The following AP2M1 variants were observed in gnomAD, a reference collection of about 807,000 sequenced individuals.
AP2M1 encodes AP-2 complex subunit mu.
In AP2M1, 5 loss-of-function variants were observed where a neutral mutation model predicts 54.5. The ratio of observed to expected loss-of-function variants is 0.09; its 90% CI spans 0.05 to 0.19. The LOEUF is 0.19. Among genes scored for constraint, AP2M1 ranks in the 10% least tolerant of loss-of-function variants. The pLI, the probability that AP2M1 is intolerant of heterozygous loss-of-function variation, is 1.00. For missense variants in AP2M1, 178 were observed against 580.2 expected (o/e 0.31, Z 7.12); for synonymous variants, 186 against 208.2 (o/e 0.89, Z 0.92).
Position 184,182,705 on chromosome 3 carries a change from C to T in AP2M1, c.1062-52C>T. The T allele has an allele frequency of 6.5e-7, 1 of 1,549,724 alleles. No individual in the cohort carries two copies. The highest frequency in any genetic ancestry group is 1.4e-5 in the African/African-American group (1 of 73,550). On this transcript the variant is annotated intron_variant, in intron 10 of 11. Coordinates refer to ENST00000292807, the MANE Select transcript of AP2M1 (RefSeq NM_004068.4). The surrounding 1 kb of genome is among the most constrained non-coding windows in gnomAD (Gnocchi z 5.5). ...TCCTTGCTTGAAATGGGCAACTGCC[C>T]TTGAAACTCCTCCAAGCCCCAATGG...
rs1390046310 is a variant in AP2M1 at position 184,180,639 on chromosome 3, C to T, written c.424-6C>T. 6 of 1,614,134 alleles carry T rather than the reference C, an allele frequency of 3.7e-6. No homozygotes were observed. Among genetic ancestry groups the T allele is most frequent in the Non-Finnish European group, 3.4e-6 (4 of 1,180,050 alleles). On this transcript the variant is annotated splice_polypyrimidine_tract_variant and splice_region_variant and intron_variant, in intron 4 of 11. Transcript: ENST00000292807. The surrounding 1 kb of genome is among the most constrained non-coding windows in gnomAD (Gnocchi z 4.9). ...GTGGGCACCTCGTTGGCCCTGCGGC[C>T]TCCAGCATCAGGTAAGCTCTTCCCT... is the stretch of plus-strand genomic sequence containing the variant.
In AP2M1 at chr3:184,180,569, G is replaced by A; in HGVS notation, c.424-76G>A. 6.2e-7 allele frequency: 1 copy of A among 1,610,312 alleles called. No homozygotes were observed. Among genetic ancestry groups the A allele is most frequent in the Non-Finnish European group, 8.5e-7 (1 of 1,178,600 alleles). On this transcript the variant is annotated intron_variant, in intron 4 of 11. Transcript: ENST00000292807. The surrounding 1 kb of genome is among the most constrained non-coding windows in gnomAD (Gnocchi z 4.9). ...TTGGGCCCTCTCCTCTAGGATCCAA[G>A]CCTCATAGCTTTCTCCTCCTTTTCT...
chr3:184,180,143 G>A lies in AP2M1; in HGVS notation c.341-26G>A, dbSNP rs372633104. 1 of 1,612,030 alleles carries A rather than the reference G, an allele frequency of 6.2e-7. No individual in the cohort carries two copies. Reference sequence around the variant, plus strand: ...CTGGAATGAAGAAGCTCTGTCCAGGGGCTGATGGTTCCCTTCTTTTTGCAG... The same window carrying A: ...CTGGAATGAAGAAGCTCTGTCCAGGAGCTGATGGTTCCCTTCTTTTTGCAG... On this transcript the variant is annotated intron_variant, in intron 3 of 11. Coordinates refer to ENST00000292807, the MANE Select transcript of AP2M1 (RefSeq NM_004068.4). The surrounding 1 kb of genome is among the most constrained non-coding windows in gnomAD (Gnocchi z 4.9).
chr3:184,176,234 G>A (rs1395073346), intron 1 of AP2M1, among the ~76,000 whole-genome samples: 1 of 152,116 alleles, frequency 6.6e-6, no homozygotes, highest in African/African-American at 2.4e-5. Flanking sequence ...TTGAAAGGGG[G>A]GTGGTAATCA....
chr3:184,176,466 CCTTCT>C (rs1449577019), intron 1 of AP2M1, among the ~76,000 whole-genome samples: 2 of 152,190 alleles, frequency 1.3e-5, no homozygotes, highest in African/African-American at 4.8e-5. Context: ...GGCCCTGCGA[CCTTCT>C]CTGAAGGGTA....
In AP2M1 at chr3:184,181,693, C is replaced by T. The variant is rs542405163; in HGVS notation, c.708-3C>T. The T allele has an allele frequency of 1.2e-6, 2 of 1,613,782 alleles. No homozygotes were observed. Among genetic ancestry groups the T allele is most frequent in the Admixed American group, 1.7e-5 (1 of 60,018 alleles). On this transcript the variant is annotated splice_polypyrimidine_tract_variant and splice_region_variant and intron_variant, in intron 7 of 11. Transcript: ENST00000292807. This position sits in a 1 kb window ranked among gnomAD's most constrained non-coding sequence, Gnocchi z 5.7. ...ATGAGACCTCTTCTGCCCCTGCTTG[C>T]AGCGGGAAGCAATCAATTGCCATTG...
Position 184,176,967 on chromosome 3 carries a change from A to T in AP2M1, c.-27A>T. 1 of 1,612,494 alleles carries T rather than the reference A, an allele frequency of 6.2e-7. No homozygotes were observed. The highest frequency in any genetic ancestry group is 8.5e-7 in the Non-Finnish European group (1 of 1,179,298). On this transcript the variant is annotated 5_prime_UTR_variant, in exon 2 of 12. It removes an upstream start codon present in the reference 5' UTR. Coordinates refer to ENST00000292807, the MANE Select transcript of AP2M1 (RefSeq NM_004068.4). The stretch of plus-strand genomic sequence containing the variant: ...CTGTCCTAGGTCTGTTCTCAGAGCG[A>T]TGGGCCGCGGAGACTGATCTGCCGC...
At position 184,180,919 on chromosome 3, in the gene AP2M1, A is replaced by G. The variant is rs1204561603; in HGVS notation, c.500A>G (p.Lys167Arg). The G allele has an allele frequency of 1.2e-6, 2 of 1,614,212 alleles. No individual in the cohort carries two copies. Among genetic ancestry groups the G allele is most frequent in the Non-Finnish European group, 1.7e-6 (2 of 1,180,046 alleles). Residue 167 changes from lysine (K) to arginine (R), a missense_variant, in exon 6 of 12, where the codon AAG becomes AGG. Lys to Arg is a conservative substitution (Grantham distance 26). This residue lies in a region of AP2M1 where 115 missense variants were observed against 331.2 expected (regional missense o/e 0.35). Coordinates refer to ENST00000292807, the MANE Select transcript of AP2M1 (RefSeq NM_004068.4). The surrounding 1 kb of genome is among the most constrained non-coding windows in gnomAD (Gnocchi z 4.9). The part of the protein sequence containing the change: ...GQIGWRREGI[K>R]YRRNELFLDV... The stretch of plus-strand genomic sequence containing the variant: ...ATTGGCTGGCGGCGAGAGGGTATCA[A>G]GTATCGTCGGAATGAGCTCTTCCTG...
chr3:184,178,025 C>T lies in AP2M1; in HGVS notation c.75-832C>T, dbSNP rs1050222613. 6.6e-6 allele frequency among the ~76,000 whole-genome samples: 1 copy of T among 151,984 alleles called. No homozygotes were observed. The highest frequency in any genetic ancestry group is 1.9e-4 in the East Asian group (1 of 5,172). ...GGCTGGCTACACCCCCCACCCCAGA[C>T]CCCCTCCTGCCTTGGATGGACTGGG... On this transcript the variant is annotated intron_variant, in intron 2 of 11. Coordinates refer to ENST00000292807, the MANE Select transcript of AP2M1 (RefSeq NM_004068.4). The surrounding 1 kb of genome is among the most constrained non-coding windows in gnomAD (Gnocchi z 4.9).
Position 184,180,461 on chromosome 3 carries a change from C to T in AP2M1, c.424-184C>T. 1 of 1,088,202 alleles carries T rather than the reference C, an allele frequency of 9.2e-7. No homozygotes were observed. The highest frequency in any genetic ancestry group is 1.5e-5 in the South Asian group (1 of 65,520). The allele number at this position is 1,088,202 out of a possible 1,614,324, so 67.4% of individuals were successfully genotyped here. A position where few individuals can be genotyped will look rare whatever the true frequency, so the allele number is the denominator to read the frequency against. The stretch of plus-strand genomic sequence containing the variant: ...TTCAGCATCTCTATTACCAGGAATA[C>T]AGCTCAAGCAGTTTCCTTTTGCACT... On this transcript the variant is annotated intron_variant, in intron 4 of 11. Coordinates refer to ENST00000292807, the MANE Select transcript of AP2M1 (RefSeq NM_004068.4). The surrounding 1 kb of genome is among the most constrained non-coding windows in gnomAD (Gnocchi z 4.9).
In AP2M1 at chr3:184,181,053, C is replaced by T. The variant is rs370410359; in HGVS notation, c.566-32C>T. 53 of 1,614,088 alleles carry T rather than the reference C, an allele frequency of 3.3e-5. No individual in the cohort carries two copies. The African/African-American group carries it at 4.3e-4, about 13-fold the overall frequency. ...GATCCTGGGCCTGCCTGCCTGACTCCGCTGCTCCCCATTTATCTGTTCCAT... is the reference window on the plus strand; with the variant it reads ...GATCCTGGGCCTGCCTGCCTGACTCTGCTGCTCCCCATTTATCTGTTCCAT... On this transcript the variant is annotated intron_variant, in intron 6 of 11. Coordinates refer to ENST00000292807, the MANE Select transcript of AP2M1 (RefSeq NM_004068.4). The surrounding 1 kb of genome is among the most constrained non-coding windows in gnomAD (Gnocchi z 5.7).
intron 1 of AP2M1, among the ~76,000 whole-genome samples, chr3:184,176,183 C>G (rs1251891385): frequency 6.6e-6 from 1 of 152,116 alleles, no homozygotes; most frequent in African/African-American, 2.4e-5. Flanking sequence ...CTGCGCCACC[C>G]CCACCCCCCA....
intron 1 of AP2M1, 96 bp downstream of exon 1, chr3:184,175,055 A>G (rs1433580241): frequency 5.0e-6 from 2 of 397,238 alleles, no homozygotes; most frequent in Admixed American, 4.4e-5. Context: ...GAGCTGGCGG[A>G]AAGCTGCCCA....
chr3:184,180,314 CCT>C lies in AP2M1; in HGVS notation c.423+64_423+65del, dbSNP rs776177328. The stretch of plus-strand genomic sequence containing the variant: ...CAATCTCCCTTCATCTCAGCTGGCC[CCT>C]GAGCCTTGTCTGAGCTGACTCATGA... On this transcript the variant is annotated intron_variant, in intron 4 of 11. Coordinates refer to ENST00000292807, the MANE Select transcript of AP2M1 (RefSeq NM_004068.4). This position sits in a 1 kb window ranked among gnomAD's most constrained non-coding sequence, Gnocchi z 4.9. 13 of 1,572,020 alleles carry C rather than the reference CCT, an allele frequency of 8.3e-6. No homozygotes were observed. The highest frequency in any genetic ancestry group is 8.7e-6 in the Non-Finnish European group (10 of 1,148,168).
At position 184,180,843 on chromosome 3, in the gene AP2M1, A is replaced by G. The variant is rs759194826; in HGVS notation, c.430-6A>G. The stretch of plus-strand genomic sequence containing the variant: ...GCCATTGCTGTTTGTTTCTGCCCTC[A>G]TGTAGACAAAAGAAGAGCAGTCACA... On this transcript the variant is annotated splice_polypyrimidine_tract_variant and splice_region_variant and intron_variant, in intron 5 of 11. Transcript: ENST00000292807. The surrounding 1 kb of genome is among the most constrained non-coding windows in gnomAD (Gnocchi z 4.9). The G allele has an allele frequency of 1.9e-6, 3 of 1,614,076 alleles. No homozygotes were observed. The highest frequency in any genetic ancestry group is 1.3e-5 in the African/African-American group (1 of 74,942).
chr3:184,179,890 G>A (rs1715214648), intron 3 of AP2M1, among the ~76,000 whole-genome samples: 1 of 151,972 alleles, frequency 6.6e-6, no homozygotes, highest in Non-Finnish European at 1.5e-5. Context: ...TGAACTCCTG[G>A]GCTCAAGTGA....
Position 184,177,611 on chromosome 3 carries a change from C to T in AP2M1, c.74+544C>T, listed in dbSNP as rs564768897. 4.3e-5 allele frequency: 66 copies of T among 1,535,836 alleles called. No homozygotes were observed. The East Asian group carries it at 1.5e-3, about 36-fold the overall frequency. ...CCATTCCCTGGGGAGTGGCTGGAAG[C>T]GTGAGGCACTCTCTGGGTCACTGTG... On this transcript the variant is annotated intron_variant, in intron 2 of 11. Coordinates refer to ENST00000292807, the MANE Select transcript of AP2M1 (RefSeq NM_004068.4).
Position 184,182,998 on chromosome 3 carries a change from A to G in AP2M1, c.1173+130A>G, listed in dbSNP as rs1383462943. The G allele has an allele frequency of 3.8e-6, 3 of 789,124 alleles. No individual in the cohort carries two copies. Among genetic ancestry groups the G allele is most frequent in the African/African-American group, 1.7e-5 (1 of 58,496 alleles). The allele number at this position is 789,124 out of a possible 1,614,324, so 48.9% of individuals were successfully genotyped here. The stretch of plus-strand genomic sequence containing the variant: ...TAGAAAGAAGAACTGGCTTTAATTC[A>G]TAGATCCATTCTTCCCCTTTCAAGC... On this transcript the variant is annotated intron_variant, in intron 11 of 11. Coordinates refer to ENST00000292807, the MANE Select transcript of AP2M1 (RefSeq NM_004068.4). The surrounding 1 kb of genome is among the most constrained non-coding windows in gnomAD (Gnocchi z 5.5).
chr3:184,175,899 C>T (rs916427596), intron 1 of AP2M1, among the ~76,000 whole-genome samples: 5 of 152,208 alleles, frequency 3.3e-5, no homozygotes, highest in Non-Finnish European at 7.3e-5. Context: ...CTCTGGAAGA[C>T]CTTGACAGCC....
Sources: gnomAD v4.1 joint callset for allele counts (sites outside exome capture counted in the v4.1 genomes callset) on GRCh38, gnomAD v4.1.1 for gene constraint, gnomAD v4.1.1 regional missense constraint, Gnocchi (gnomAD v3.1) non-coding constraint, MANE v1.5 for transcripts, NCBI Gene and HGNC (gene_info 2026-07-23, HGNC 2026-07-21) for gene names.